Variants in MTMR7 observed in about 807,000 individuals in gnomAD.
The protein encoded by MTMR7 is phosphatidylinositol-3-phosphate phosphatase MTMR7.
A neutral mutation model predicts 81.2 loss-of-function variants in MTMR7; 76 were observed. The observed-to-expected ratio is 0.94, with a 90% CI of 0.78 to 1.13. MTMR7 has a LOEUF of 1.13. MTMR7 is among the 50% of genes most tolerant of loss of function. The pLI is 0.00. For missense variants in MTMR7, 1,044 were observed against 820.0 expected, an observed-to-expected ratio of 1.27 and a Z score of -3.34; for synonymous variants, 372 against 289.8, an observed-to-expected ratio of 1.28 and a Z score of -2.88.
At chr8:17,383,728 T>C (rs1292961631) in intron 1 of MTMR7, among the ~76,000 whole-genome samples, 2 of 152,140 alleles carry the variant, frequency 1.3e-5, no homozygotes, top group East Asian at 3.9e-4. Context: ...CCATGTGACC[T>C]CCCTGCTTGC....
chr8:17,314,493 T>G (rs1288125655), intron 7 of MTMR7, among the ~76,000 whole-genome samples: 2 of 152,168 alleles, frequency 1.3e-5, no homozygotes, highest in African/African-American at 4.8e-5. Context: ...TGTGAACTCT[T>G]TGAAAGCACT....
chr8:17,307,479 G>A lies in MTMR7; in HGVS notation c.1152-1522C>T, dbSNP rs573468032. Among the ~76,000 whole-genome samples, 541 of 152,088 alleles carry A rather than the reference G, an allele frequency of 3.6e-3. 6 individuals are homozygous for A. The East Asian group carries it at 0.037, about 10-fold the overall frequency. On this transcript the variant is annotated intron_variant, in intron 10 of 13. Coordinates refer to ENST00000180173, the MANE Select transcript of MTMR7 (RefSeq NM_004686.5). The stretch of plus-strand genomic sequence containing the variant: ...CAACCATTGTGGAAGTCAGTGTGGC[G>A]ATTCCTCAGGGATCTAGAACTAGAA...
chr8:17,365,872 G>A (rs10095229), intron 3 of MTMR7, among the ~76,000 whole-genome samples: 3,504 of 152,260 alleles, frequency 0.023, 138 homozygotes, highest in African/African-American at 0.08. Flanking sequence ...TTAAGGATGA[G>A]TAACAGTTTG....
chr8:17,371,303 C>G, intron 2 of MTMR7, 104 bp from the exon 3 acceptor site: 1 of 1,297,188 alleles, frequency 7.7e-7, no homozygotes, highest in Non-Finnish European at 1.1e-6. Flanking sequence ...AAACGCTCCC[C>G]AACCTCCAGC....
intron 7 of MTMR7, among the ~76,000 whole-genome samples, chr8:17,330,426 G>A (rs1458235702): frequency 6.6e-6 from 1 of 152,222 alleles, no homozygotes; most frequent in Admixed American, 6.5e-5. Context: ...GCCGGAAGTG[G>A]TAGACTACAG....
chr8:17,395,250 C>A (rs901240882), intron 1 of MTMR7, among the ~76,000 whole-genome samples: 3 of 152,200 alleles, frequency 2.0e-5, no homozygotes, highest in South Asian at 2.1e-4. Flanking sequence ...ATCAGAACTT[C>A]ATTCCTTTTC....
intron 7 of MTMR7, among the ~76,000 whole-genome samples, chr8:17,322,279 G>T (rs1164935062): frequency 1.3e-5 from 2 of 152,220 alleles, no homozygotes; most frequent in African/African-American, 4.8e-5. Context: ...ATTATGGCCT[G>T]TACGAGCGAA....
At position 17,357,965 on chromosome 8, in the gene MTMR7, T is replaced by C. The variant is rs544183111; in HGVS notation, c.468+3152A>G. 3.3e-5 allele frequency among the ~76,000 whole-genome samples: 5 copies of C among 152,302 alleles called. No individual in the cohort carries two copies. In the South Asian group the frequency reaches 8.3e-4, roughly 25 times the overall value. ...AGTAACTTTTATTCTAAATGAAAGA[T>C]ACTCAGTGGAGGAAAAGCAATAGGG... On this transcript the variant is annotated intron_variant, in intron 4 of 13. Coordinates refer to ENST00000180173, the MANE Select transcript of MTMR7 (RefSeq NM_004686.5).
At chr8:17,394,168 T>C (rs1421435020) in intron 1 of MTMR7, among the ~76,000 whole-genome samples, 2 of 152,210 alleles carry the variant, frequency 1.3e-5, no homozygotes, top group African/African-American at 2.4e-5. Flanking sequence ...CATTAACATA[T>C]GATGTAACAA....
chr8:17,316,471 A>G (rs1047438475), intron 7 of MTMR7, among the ~76,000 whole-genome samples: 6 of 151,818 alleles, frequency 4.0e-5, no homozygotes, highest in Non-Finnish European at 7.4e-5. Context: ...CAGTAAAAAA[A>G]AAAAAAAACC....
chr8:17,341,455 C>T lies in MTMR7; in HGVS notation c.640G>A (p.Ala214Thr). The change falls in exon 6 of 14, where the codon GCC (alanine) becomes ACC (threonine). Residue 214 changes from alanine to threonine, a missense_variant. Coordinates refer to ENST00000180173, the MANE Select transcript of MTMR7 (RefSeq NM_004686.5). The part of the protein sequence containing the change: ...RSSQPLSGFS[A>T]RCLEDEQMLQ... ...ATCTGCTCGTCCTCTAGGCACCGGG[C>T]ACTGAAGCCGGACAGGGGCTGGCTG... 1.2e-6 allele frequency: 2 copies of T among 1,614,110 alleles called. No homozygotes were observed. The highest frequency in any genetic ancestry group is 1.7e-6 in the Non-Finnish European group (2 of 1,180,024).
chr8:17,304,614 T>A, intron 11 of MTMR7, 95 bp from the exon 12 acceptor site: 1 of 1,365,806 alleles, frequency 7.3e-7, no homozygotes, highest in Non-Finnish European at 1.0e-6. Context: ...TAATAATTGT[T>A]ACCTGAAAAC....
At chr8:17,382,469 T>C (rs1231830401) in intron 1 of MTMR7, among the ~76,000 whole-genome samples, 1 of 152,232 alleles carries the variant, frequency 6.6e-6, no homozygotes, top group Non-Finnish European at 1.5e-5. Context: ...TAATTAAGTA[T>C]CATTTGGATT....
At chr8:17,395,968 A>T (rs10110403) in intron 1 of MTMR7, among the ~76,000 whole-genome samples, 2,033 of 152,324 alleles carry the variant, frequency 0.013, 63 homozygotes, top group African/African-American at 0.046. Context: ...TATGACCTCA[A>T]TCTTAACAGA....
chr8:17,357,056 A>T (rs566802521), intron 4 of MTMR7, among the ~76,000 whole-genome samples: 1 of 152,236 alleles, frequency 6.6e-6, no homozygotes, highest in East Asian at 1.9e-4. Flanking sequence ...ACAAAACACA[A>T]CCAACAAAAG....
intron 7 of MTMR7, among the ~76,000 whole-genome samples, chr8:17,324,881 G>A (rs1031987410): frequency 1.3e-5 from 2 of 152,168 alleles, no homozygotes; most frequent in African/African-American, 4.8e-5. Flanking sequence ...GTTAAAAACT[G>A]AGACTACAGA....
intron 10 of MTMR7, among the ~76,000 whole-genome samples, chr8:17,309,028 A>C (rs924113386): frequency 1.3e-5 from 2 of 152,230 alleles, no homozygotes; most frequent in Non-Finnish European, 2.9e-5. Context: ...CCTCACTAAG[A>C]CAATGAACAA....
chr8:17,376,478 G>A (rs1217933603), intron 1 of MTMR7, among the ~76,000 whole-genome samples: 3 of 152,130 alleles, frequency 2.0e-5, no homozygotes, highest in Non-Finnish European at 2.9e-5. Context: ...GGGTCATTTG[G>A]TAAGTCATAT....
chr8:17,403,005 G>C (rs1389425214), intron 1 of MTMR7, among the ~76,000 whole-genome samples: 2 of 152,090 alleles, frequency 1.3e-5, no homozygotes, highest in East Asian at 1.9e-4. Context: ...TCCTGATGTT[G>C]AGCACCTTTT....
Sources: allele counts gnomAD v4.1 joint callset (sites outside exome capture counted in the v4.1 genomes callset), GRCh38; gene constraint gnomAD v4.1.1; transcripts MANE v1.5; gene names NCBI Gene and HGNC (gene_info 2026-07-23, HGNC 2026-07-21).